The following HS6ST2 variants were observed in gnomAD, a reference collection of about 807,000 sequenced individuals.
HS6ST2 encodes the protein heparan sulfate 6-O-sulfotransferase 2, also known as heparan-sulfate 6-O-sulfotransferase 2.
Under a neutral mutation model 33.0 loss-of-function variants are expected in HS6ST2, and 17 were observed. The ratio of observed to expected loss-of-function variants is 0.52; its 90% CI spans 0.35 to 0.77. The LOEUF (loss-of-function observed/expected upper bound fraction) is 0.77. Among genes scored for constraint, HS6ST2 ranks in the 30% least tolerant of loss-of-function variants. The pLI is 0.01. For synonymous variants in HS6ST2, 248 were observed against 237.1 expected (o/e 1.05, Z -0.42); for missense variants, 519 against 551.7 (o/e 0.94, Z 0.59).
chrX:132,628,830 T>C lies in HS6ST2; in HGVS notation c.1331A>G (p.Asn444Ser), dbSNP rs764683533. ...TTGCTTTTCAGGCATGACAGAGAGG[T>C]TGTAGCAGCCTACCAGGGTCAGGTC... ...LSDLTLVGCY[N>S]LSVMPEKQRN... is the part of the protein sequence containing the mutation. The change falls in exon 5 of 5, where the codon AAC becomes AGC. Residue 444 changes from asparagine (N) to serine (S), a missense_variant. Physicochemically the swap from Asn to Ser is conservative, Grantham distance 46. Transcript: ENST00000370833. 1.7e-6 allele frequency: 2 copies of C among 1,211,422 alleles called. No homozygotes were observed. The highest frequency in any genetic ancestry group is 3.5e-5 in the South Asian group (2 of 56,974).
At chrX:132,895,576 C>T (rs2066365905) in intron 2 of HS6ST2, among the ~76,000 whole-genome samples, 1 of 111,309 alleles carries the variant, frequency 9.0e-6, no homozygotes, top group Non-Finnish European at 1.9e-5. Flanking sequence ...TTATTCTGTG[C>T]TTTATGCGTG....
At chrX:132,646,422 T>C (rs1275723550) in intron 4 of HS6ST2, among the ~76,000 whole-genome samples, 4 of 109,181 alleles carry the variant, frequency 3.7e-5, no homozygotes, top group Non-Finnish European at 5.7e-5. Flanking sequence ...TAGTCCCTGA[T>C]ACTTGGGACG....
intron 4 of HS6ST2, among the ~76,000 whole-genome samples, chrX:132,657,714 G>T (rs1255416168): frequency 9.4e-6 from 1 of 106,800 alleles, no homozygotes; most frequent in African/African-American, 3.4e-5. Context: ...AGCAGTACTA[G>T]GAGAGTGGGC....
intron 2 of HS6ST2, among the ~76,000 whole-genome samples, chrX:132,743,238 G>A (rs2064598763): frequency 8.9e-6 from 1 of 112,527 alleles, no homozygotes; most frequent in Non-Finnish European, 1.9e-5. Flanking sequence ...AGCTGGGGGA[G>A]ACCTGGTTTC....
At chrX:132,884,147 T>C (rs2066219932) in intron 2 of HS6ST2, among the ~76,000 whole-genome samples, 7 of 111,465 alleles carry the variant, frequency 6.3e-5, no homozygotes, top group Admixed American at 5.8e-4. Context: ...ATGTGGCTCA[T>C]GGATTTTGTG....
chrX:132,945,512 C>A (rs1379907835), intron 2 of HS6ST2, among the ~76,000 whole-genome samples: 1 of 110,917 alleles, frequency 9.0e-6, no homozygotes, highest in Admixed American at 9.6e-5. Flanking sequence ...TGGGTATATA[C>A]CCAAAGGATT....
intron 3 of HS6ST2, among the ~76,000 whole-genome samples, chrX:132,698,388 A>T (rs1237415550): frequency 8.9e-6 from 1 of 111,956 alleles, no homozygotes; most frequent in Admixed American, 9.5e-5. Context: ...ACAAGGGTTG[A>T]CCAGAATTGA....
chrX:132,889,027 T>C (rs1161834742), intron 2 of HS6ST2, among the ~76,000 whole-genome samples: 1 of 110,913 alleles, frequency 9.0e-6, no homozygotes, highest in Non-Finnish European at 1.9e-5. Flanking sequence ...TTAGATCAAT[T>C]TTCCCAATCA....
chrX:132,772,082 C>T (rs997558871), intron 2 of HS6ST2, among the ~76,000 whole-genome samples: 34 of 111,722 alleles, frequency 3.0e-4, no homozygotes, highest in Non-Finnish European at 4.1e-4. Context: ...ATATTGGATA[C>T]ATTCTTATAA....
intron 2 of HS6ST2, among the ~76,000 whole-genome samples, chrX:132,807,165 T>A (rs2065291745): frequency 9.1e-6 from 1 of 110,266 alleles, no homozygotes; most frequent in East Asian, 2.8e-4. Context: ...CTCCAAGGCC[T>A]GAGCTCCTTA....
In HS6ST2 at chrX:132,699,983, A is replaced by G. The variant is rs1294096490; in HGVS notation, c.980+8479T>C. 3.6e-5 allele frequency among the ~76,000 whole-genome samples: 4 copies of G among 111,988 alleles called. No homozygotes were observed. The East Asian group carries it at 1.1e-3, about 31-fold the overall frequency. On this transcript the variant is annotated intron_variant, in intron 3 of 4. Coordinates refer to ENST00000370833, the MANE Select transcript of HS6ST2 (RefSeq NM_001394073.1). The stretch of plus-strand genomic sequence containing the variant: ...AATCAGTAAAGGCCATTAAAGACCT[A>G]TTTATGCCAGTTTAGGATGACTCTG...
At chrX:132,657,177 C>G (rs1481933658) in intron 4 of HS6ST2, among the ~76,000 whole-genome samples, 3 of 110,691 alleles carry the variant, frequency 2.7e-5, no homozygotes, top group Non-Finnish European at 3.8e-5. Flanking sequence ...AATGAATGGT[C>G]GCACTGCCTC....
At chrX:132,810,426 AAGG>A (rs2065330272) in intron 2 of HS6ST2, among the ~76,000 whole-genome samples, 1 of 106,727 alleles carries the variant, frequency 9.4e-6, no homozygotes, top group African/African-American at 3.5e-5. Context: ...GGAAGGAAGG[AAGG>A]AGAGAGAAAG....
At chrX:132,696,757 T>C (rs1365646158) in intron 3 of HS6ST2, among the ~76,000 whole-genome samples, 1 of 74,679 alleles carries the variant, frequency 1.3e-5, no homozygotes, top group Non-Finnish European at 2.8e-5. Flanking sequence ...TTCGGTAATA[T>C]TCCCTTTTGC....
intron 2 of HS6ST2, among the ~76,000 whole-genome samples, chrX:132,886,737 A>C (rs1441911735): frequency 2.7e-5 from 3 of 111,443 alleles, no homozygotes; most frequent in African/African-American, 9.8e-5. Flanking sequence ...AAAATCTAGA[A>C]AGAAACAACA....
In HS6ST2 at chrX:132,629,108, C is replaced by A; in HGVS notation, c.1068-15G>T. The A allele has an allele frequency of 8.5e-7, 1 of 1,177,803 alleles. No homozygotes were observed. The highest frequency in any genetic ancestry group is 1.9e-5 in the South Asian group (1 of 51,889). On this transcript the variant is annotated splice_polypyrimidine_tract_variant and intron_variant, in intron 4 of 4. Coordinates refer to ENST00000370833, the MANE Select transcript of HS6ST2 (RefSeq NM_001394073.1). ...AGTGGAAGTTCCTATGGATGAAGCACAAAAACCAACAGTCAGAGATATGGG... is the reference window on the plus strand; with the variant it reads ...AGTGGAAGTTCCTATGGATGAAGCAAAAAAACCAACAGTCAGAGATATGGG...
At chrX:132,789,297 A>C (rs143084983) in intron 2 of HS6ST2, among the ~76,000 whole-genome samples, 209 of 111,594 alleles carry the variant, frequency 1.9e-3, no homozygotes, top group African/African-American at 6.3e-3. Flanking sequence ...AAATCTACTC[A>C]GTCAGTAATC....
At chrX:132,858,478 G>A (rs901276019) in intron 2 of HS6ST2, among the ~76,000 whole-genome samples, 5 of 112,038 alleles carry the variant, frequency 4.5e-5, no homozygotes, top group African/African-American at 1.6e-4. Context: ...GTACTAGGTG[G>A]TGGGCAAGAA....
intron 3 of HS6ST2, among the ~76,000 whole-genome samples, chrX:132,689,545 T>TCTAA (rs2064044491): frequency 8.9e-6 from 1 of 112,190 alleles, no homozygotes; most frequent in African/African-American, 3.2e-5. Flanking sequence ...CTGGGAAGCT[T>TCTAA]AATATTACAT....
Sources: gnomAD v4.1 joint callset for allele counts (sites outside exome capture counted in the v4.1 genomes callset) on GRCh38, gnomAD v4.1.1 for gene constraint, MANE v1.5 for transcripts, NCBI Gene and HGNC (gene_info 2026-07-23, HGNC 2026-07-21) for gene names.